Variants in TSPAN9 observed in about 807,000 individuals in gnomAD.
The protein encoded by TSPAN9 is tetraspanin-9.
TSPAN9 carries 16 observed loss-of-function variants against 31.0 expected under a neutral mutation model. That is an observed-to-expected ratio of 0.52 (90% confidence interval 0.35 to 0.78). TSPAN9 has a LOEUF of 0.78. Ranked by LOEUF, TSPAN9 falls within the 30% of genes least tolerant of loss-of-function variation. The pLI is 0.01. For synonymous variants in TSPAN9, 145 were observed against 121.6 expected, an observed-to-expected ratio of 1.19 and a Z score of -1.27; for missense variants, 272 against 312.5, an observed-to-expected ratio of 0.87 and a Z score of 0.98.
chr12:3,095,821 G>A (rs1165018156), intron 2 of TSPAN9, among the ~76,000 whole-genome samples: 4 of 146,502 alleles, frequency 2.7e-5, no homozygotes, highest in Middle Eastern at 3.2e-3. Context: ...ATGGGATGGC[G>A]GCCGGGCGGA....
intron 2 of TSPAN9, among the ~76,000 whole-genome samples, chr12:3,184,591 C>T (rs1351402841): frequency 2.6e-5 from 4 of 152,090 alleles, no homozygotes; most frequent in African/African-American, 7.2e-5. Flanking sequence ...CAGGGCTCCC[C>T]GATGATAGCA....
chr12:3,117,015 C>G (rs1024261356), intron 2 of TSPAN9, among the ~76,000 whole-genome samples: 5 of 152,120 alleles, frequency 3.3e-5, no homozygotes, highest in Admixed American at 3.3e-4. Flanking sequence ...AGTTATTAAG[C>G]CTTTCAGGGT....
At position 3,157,899 on chromosome 12, in the gene TSPAN9, G is replaced by A. The variant is rs542843581; in HGVS notation, c.-17-43278G>A. Reference sequence around the variant, plus strand: ...TGATTATAGGGTGCTGACAAAAACAGCACCCCCTGATTAAGACGATGAGCG... The same window carrying A: ...TGATTATAGGGTGCTGACAAAAACAACACCCCCTGATTAAGACGATGAGCG... On this transcript the variant is annotated intron_variant, in intron 2 of 8. Coordinates refer to ENST00000011898, the MANE Select transcript of TSPAN9 (RefSeq NM_006675.5). Among the ~76,000 whole-genome samples, 5 of 152,292 alleles carry A rather than the reference G, an allele frequency of 3.3e-5. No individual in the cohort carries two copies. In the South Asian group the frequency reaches 1.0e-3, roughly 32 times the overall value.
At chr12:3,224,792 G>A (rs1302091475) in intron 3 of TSPAN9, among the ~76,000 whole-genome samples, 1 of 152,214 alleles carries the variant, frequency 6.6e-6, no homozygotes, top group Non-Finnish European at 1.5e-5. Flanking sequence ...CAGATTTCCC[G>A]GTTCTGTCAG....
intron 3 of TSPAN9, among the ~76,000 whole-genome samples, chr12:3,231,127 G>A (rs538475608): frequency 4.0e-5 from 6 of 151,726 alleles, no homozygotes; most frequent in African/African-American, 1.2e-4. Flanking sequence ...TTAATTTCTC[G>A]CCAGAGAATG....
chr12:3,105,647 G>C (rs2153964744), intron 2 of TSPAN9, among the ~76,000 whole-genome samples: 1 of 152,154 alleles, frequency 6.6e-6, no homozygotes, highest in East Asian at 2.0e-4. Flanking sequence ...GAATCCCGGT[G>C]GGGTGAGGGT....
intron 2 of TSPAN9, among the ~76,000 whole-genome samples, chr12:3,193,841 T>C (rs961003219): frequency 3.3e-5 from 5 of 152,250 alleles, no homozygotes; most frequent in South Asian, 4.1e-4. Context: ...CATTTGTTTA[T>C]CTGTCCTTCT....
intron 3 of TSPAN9, among the ~76,000 whole-genome samples, chr12:3,215,685 C>T (rs760275295): frequency 6.6e-5 from 10 of 152,216 alleles, no homozygotes; most frequent in Non-Finnish European, 1.3e-4. Context: ...ACCTGGGGAA[C>T]CCCACTTGTG....
chr12:3,230,770 C>G (rs1488090495), intron 3 of TSPAN9, among the ~76,000 whole-genome samples: 3 of 152,104 alleles, frequency 2.0e-5, no homozygotes, highest in Non-Finnish European at 4.4e-5. Context: ...CCGTTCTCAT[C>G]CACATGCAGC....
intron 2 of TSPAN9, among the ~76,000 whole-genome samples, chr12:3,086,695 G>A (rs1247114167): frequency 6.6e-6 from 1 of 152,212 alleles, no homozygotes; most frequent in Non-Finnish European, 1.5e-5. Flanking sequence ...TCTTGGTGAG[G>A]CCTTGGCCTT....
intron 3 of TSPAN9, among the ~76,000 whole-genome samples, chr12:3,202,551 C>T (rs564751904): frequency 6.6e-6 from 1 of 152,266 alleles, no homozygotes; most frequent in East Asian, 1.9e-4. Flanking sequence ...ATCACTTGGT[C>T]CCTGAAGGAC....
intron 3 of TSPAN9, among the ~76,000 whole-genome samples, chr12:3,261,335 T>C (rs372558275): frequency 1.2e-4 from 19 of 152,346 alleles, no homozygotes; most frequent in African/African-American, 4.6e-4. Context: ...TATGCATTTT[T>C]GGAGGAGATA....
intron 3 of TSPAN9, among the ~76,000 whole-genome samples, chr12:3,240,021 T>TC (rs1294749736): frequency 4.9e-5 from 1 of 20,272 alleles, no homozygotes; most frequent in South Asian, 4.6e-3. Context: ...TCCCTATTAC[T>TC]CCCTTTTTTT....
intron 3 of TSPAN9, among the ~76,000 whole-genome samples, chr12:3,224,943 C>T (rs3782817): frequency 0.38 from 58,344 of 152,004 alleles, 11,585 homozygotes; most frequent in Non-Finnish European, 0.44. Context: ...ATGGCTCATC[C>T]CGATGGGGCA....
At chr12:3,163,344 A>G (rs117435352) in intron 2 of TSPAN9, among the ~76,000 whole-genome samples, 2 of 151,954 alleles carry the variant, frequency 1.3e-5, no homozygotes, top group Non-Finnish European at 2.9e-5. Flanking sequence ...TTTTGTTTCT[A>G]CCTCTGTTTG....
intron 3 of TSPAN9, among the ~76,000 whole-genome samples, chr12:3,242,644 A>G (rs941991007): frequency 6.6e-6 from 1 of 152,190 alleles, no homozygotes; most frequent in Non-Finnish European, 1.5e-5. Flanking sequence ...GGAGGATGTA[A>G]TGGACAAGCA....
intron 2 of TSPAN9, among the ~76,000 whole-genome samples, chr12:3,090,082 C>T (rs2153963077): frequency 6.6e-6 from 1 of 152,244 alleles, no homozygotes; most frequent in East Asian, 1.9e-4. Context: ...CCAGATATTT[C>T]TGGATAGACT....
At chr12:3,226,531 G>A (rs1290727167) in intron 3 of TSPAN9, among the ~76,000 whole-genome samples, 2 of 150,758 alleles carry the variant, frequency 1.3e-5, no homozygotes, top group Non-Finnish European at 2.9e-5. Context: ...GCCTCTGTAG[G>A]TGTGCTTGGA....
At chr12:3,157,668 G>A (rs949774863) in intron 2 of TSPAN9, among the ~76,000 whole-genome samples, 3 of 152,344 alleles carry the variant, frequency 2.0e-5, no homozygotes, top group Admixed American at 1.3e-4. Context: ...GAGGTCATCT[G>A]TCCTGCTGGA....
Sources: gnomAD v4.1 joint callset for allele counts (sites outside exome capture counted in the v4.1 genomes callset) on GRCh38, gnomAD v4.1.1 for gene constraint, MANE v1.5 for transcripts, NCBI Gene and HGNC (gene_info 2026-07-23, HGNC 2026-07-21) for gene names.